DNAH2: variants seen among roughly 807,000 people sequenced by gnomAD.
DNAH2 encodes the protein axonemal beta dynein heavy chain 2.
In DNAH2, 323 loss-of-function variants were observed where a neutral mutation model predicts 523.5. The observed-to-expected ratio is 0.62, with a 90% CI of 0.56 to 0.68. The LOEUF is 0.68. Among genes scored for constraint, DNAH2 ranks in the 30% least tolerant of loss-of-function variants. DNAH2 has a pLI of 0.00. For synonymous variants in DNAH2, 2,093 were observed against 2,177.4 expected, an observed-to-expected ratio of 0.96 and a Z score of 1.08; for missense variants, 4,907 against 5,701.5, an observed-to-expected ratio of 0.86 and a Z score of 4.49.
At position 7,821,184 on chromosome 17, in the gene DNAH2, A is replaced by G. The variant is rs1183310815; in HGVS notation, c.11016-59A>G. The G allele has an allele frequency of 6.3e-7, 1 of 1,580,058 alleles. No individual in the cohort carries two copies. The highest frequency in any genetic ancestry group is 8.6e-7 in the Non-Finnish European group (1 of 1,159,400). On this transcript the variant is annotated intron_variant, in intron 72 of 85. Coordinates refer to ENST00000572933, the MANE Select transcript of DNAH2 (RefSeq NM_020877.5). The surrounding 1 kb of genome is among the most constrained non-coding windows in gnomAD (Gnocchi z 5.0). ...GTGATAGTAGCATCATAGCATTCGC[A>G]TGGAGCATCAGCCCCCATTCCATGC... is the stretch of plus-strand genomic sequence containing the variant.
intron 77 of DNAH2, among the ~76,000 whole-genome samples, chr17:7,829,067 C>G (rs2078098001): frequency 6.6e-6 from 1 of 151,866 alleles, no homozygotes; most frequent in South Asian, 2.1e-4. Context: ...GCTCTGTCAC[C>G]CAGGCTAGAG....
rs529373218 is a variant in DNAH2, at chr17:7,758,992, C to G, written c.2316C>G (p.Tyr772Ter). ...TACGCATTAGTGGCAAACGGGTATA[C>G]AGGGACCTGGAATTTGAAGAGGACC... ...LLVRISGKRVYRDLEFEEDQR... is the reference protein window; with the variant it reads ...LLVRISGKRV The change falls in exon 15 of 86, where the codon TAC (tyrosine) becomes TAG (stop). Residue 772 changes from tyrosine to a stop codon, truncating the protein, a stop_gained. Coordinates refer to ENST00000572933, the MANE Select transcript of DNAH2 (RefSeq NM_020877.5). LOFTEE classifies it high-confidence loss of function. The G allele has an allele frequency of 6.2e-7, 1 of 1,614,170 alleles. No homozygotes were observed. Among genetic ancestry groups the G allele is most frequent in the East Asian group, 2.2e-5 (1 of 44,884 alleles).
At chr17:7,778,591 CTTATTTAT>C in intron 35 of DNAH2, 122 bp downstream of exon 35, 4 of 889,188 alleles carry the variant, frequency 4.5e-6, no homozygotes, top group Non-Finnish European at 6.4e-6. Flanking sequence ...ACATGTAATT[CTTATTTAT>C]TTATTTATTT....
At chr17:7,815,681 C>A (rs1284095801) in intron 63 of DNAH2, among the ~76,000 whole-genome samples, 2 of 151,764 alleles carry the variant, frequency 1.3e-5, no homozygotes, top group East Asian at 3.9e-4. Flanking sequence ...GGATCACACA[C>A]ACATATATGG....
Position 7,821,140 on chromosome 17 carries a change from G to A in DNAH2, c.11016-103G>A. ...GAGGTTAGGATTAGAGGCTGGTGAG[G>A]TCCTCTGTGTGAAGCTGTGTGATAG... On this transcript the variant is annotated intron_variant, in intron 72 of 85. Coordinates refer to ENST00000572933, the MANE Select transcript of DNAH2 (RefSeq NM_020877.5). The surrounding 1 kb of genome is among the most constrained non-coding windows in gnomAD (Gnocchi z 5.0). 1 of 1,475,392 alleles carries A rather than the reference G, an allele frequency of 6.8e-7. No individual in the cohort carries two copies. The highest frequency in any genetic ancestry group is 9.1e-7 in the Non-Finnish European group (1 of 1,100,892). 91.4% of individuals were successfully genotyped at this position (1,475,392 alleles called of 1,614,324 possible).
chr17:7,743,334 A>G (rs1198569408), intron 12 of DNAH2, 192 bp downstream of exon 12: 1 of 721,666 alleles, frequency 1.4e-6, no homozygotes, highest in Non-Finnish European at 2.5e-6. Context: ...TGCTATCAAC[A>G]TTTTAATTTT....
Position 7,804,738 on chromosome 17 carries a change from C to T in DNAH2, c.9184-220C>T, listed in dbSNP as rs75769405. 6.3e-4 allele frequency among the ~76,000 whole-genome samples: 96 copies of T among 151,470 alleles called. 3 individuals are homozygous for T. The East Asian group carries it at 0.017, about 27-fold the overall frequency. ...GCGGGTGCCTGTAATCCCAGCTACT[C>T]GGGAGGCTGAGGCAGGAGAATCGCT... On this transcript the variant is annotated intron_variant, in intron 59 of 85. Coordinates refer to ENST00000572933, the MANE Select transcript of DNAH2 (RefSeq NM_020877.5).
chr17:7,727,320 G>A (rs1269699324), intron 4 of DNAH2, 28 bp downstream of exon 4: 2 of 1,589,552 alleles, frequency 1.3e-6, no homozygotes, highest in South Asian at 1.2e-5. Flanking sequence ...CCAGATCAAA[G>A]GTGGTCCTAC....
intron 2 of DNAH2, among the ~76,000 whole-genome samples, chr17:7,722,682 G>A (rs2074654417): frequency 6.6e-6 from 1 of 152,094 alleles, no homozygotes; most frequent in African/African-American, 2.4e-5. Context: ...CTGTGTTTTC[G>A]AGGATCATCC....
At chr17:7,723,737 T>C in intron 3 of DNAH2, 48 bp downstream of exon 3, 1 of 1,526,638 alleles carries the variant, frequency 6.6e-7, no homozygotes, top group Non-Finnish European at 9.1e-7. Flanking sequence ...CCAAAACTGG[T>C]GAATCAAAGG....
At position 7,818,436 on chromosome 17, in the gene DNAH2, C is replaced by T. The variant is rs774647102; in HGVS notation, c.10512C>T (p.Ile3504=). Residue 3504 remains isoleucine (I), a synonymous_variant, in exon 69 of 86, where the codon ATC becomes ATT. Coordinates refer to ENST00000572933, the MANE Select transcript of DNAH2 (RefSeq NM_020877.5). ...YSPETSAKTT[I]VNFAVKEQGL... Reference sequence around the variant, plus strand: ...CAGAGACCTCAGCCAAGACCACCATCGTCAACTTTGCTGTTAAAGAACAGG... The same window carrying T: ...CAGAGACCTCAGCCAAGACCACCATTGTCAACTTTGCTGTTAAAGAACAGG... 24 of 1,614,078 alleles carry T rather than the reference C, an allele frequency of 1.5e-5. No homozygotes were observed. The highest frequency in any genetic ancestry group is 1.1e-4 in the African/African-American group (8 of 74,928).
chr17:7,826,088 C>T (rs1341655604), intron 77 of DNAH2, among the ~76,000 whole-genome samples: 1 of 152,240 alleles, frequency 6.6e-6, no homozygotes, highest in Non-Finnish European at 1.5e-5. Flanking sequence ...TGCGCTGTTA[C>T]ACTGCAGCCT....
At chr17:7,732,305 C>T (rs1229135649) in intron 4 of DNAH2, among the ~76,000 whole-genome samples, 2 of 151,228 alleles carry the variant, frequency 1.3e-5, no homozygotes, top group East Asian at 2.0e-4. Context: ...TGTGGTGGTA[C>T]GGGCCTGTAA....
chr17:7,830,260 T>G (rs759767551), intron 77 of DNAH2, 40 bp from the exon 78 acceptor site: 1 of 1,579,714 alleles, frequency 6.3e-7, no homozygotes. Context: ...GGTCTGAGTG[T>G]GATGCATGTC....
At chr17:7,768,883 C>A (rs1467489808) in intron 24 of DNAH2, among the ~76,000 whole-genome samples, 1 of 152,234 alleles carries the variant, frequency 6.6e-6, no homozygotes, top group Non-Finnish European at 1.5e-5. Context: ...GGATTTTCTT[C>A]TTTCCTGAGG....
intron 12 of DNAH2, among the ~76,000 whole-genome samples, chr17:7,751,942 T>TGTGA (rs2075694965): frequency 6.6e-6 from 1 of 150,692 alleles, no homozygotes. Context: ...TGTGTGTGTG[T>TGTGA]GTGTGCGTGT....
Position 7,833,177 on chromosome 17 carries a change from C to T in DNAH2, c.13085C>T (p.Thr4362Met), listed in dbSNP as rs1281743012. Reference sequence around the variant, plus strand: ...ATGCAGCTTGTCTGCCTCATGCCCACGATCCACTTCCGGCCTGCAGAGAGC... The same window carrying T: ...ATGCAGCTTGTCTGCCTCATGCCCATGATCCACTTCCGGCCTGCAGAGAGC... ...EPMQLVCLMP[T>M]IHFRPAESRK... The change falls in exon 85 of 86, where the codon ACG becomes ATG. Residue 4362 changes from threonine to methionine, a missense_variant. Around this residue, in one of 3 missense-constraint regions of DNAH2, gnomAD observed 1,851 missense variants for 2,139.4 expected, o/e 0.87. Coordinates refer to ENST00000572933, the MANE Select transcript of DNAH2 (RefSeq NM_020877.5). 2 of 1,609,106 alleles carry T rather than the reference C, an allele frequency of 1.2e-6. No homozygotes were observed. The highest frequency in any genetic ancestry group is 2.2e-5 in the East Asian group (1 of 44,868).
chr17:7,791,126 C>T (rs1289214548), intron 44 of DNAH2, among the ~76,000 whole-genome samples: 2 of 151,178 alleles, frequency 1.3e-5, no homozygotes, highest in East Asian at 1.9e-4. Flanking sequence ...CAGGCTGGAG[C>T]GCAGCGGTGC....
At chr17:7,813,823 G>A (rs1343613705) in intron 63 of DNAH2, among the ~76,000 whole-genome samples, 3 of 151,600 alleles carry the variant, frequency 2.0e-5, no homozygotes, top group South Asian at 2.1e-4. Flanking sequence ...CAGGAGAATC[G>A]CTTGAACCCA....
Sources: gnomAD v4.1 joint callset for allele counts (sites outside exome capture counted in the v4.1 genomes callset) on GRCh38, gnomAD v4.1.1 for gene constraint, gnomAD v4.1.1 regional missense constraint, Gnocchi (gnomAD v3.1) non-coding constraint, MANE v1.5 for transcripts, NCBI Gene and HGNC (gene_info 2026-07-23, HGNC 2026-07-21) for gene names.